The following GALNT13 variants were observed in gnomAD, a reference collection of about 807,000 sequenced individuals.
GALNT13 encodes the protein UDP-GalNAc:polypeptide N-acetylgalactosaminyltransferase 13.
A neutral mutation model predicts 64.2 loss-of-function variants in GALNT13; 28 were observed. That is an observed-to-expected ratio of 0.44 (90% confidence interval 0.32 to 0.60). GALNT13 has a LOEUF of 0.60. GALNT13 is among the 20% of genes least tolerant of loss of function. The pLI, the probability that GALNT13 is intolerant of heterozygous loss-of-function variation, is 0.05. For missense variants in GALNT13, 577 were observed against 669.8 expected (o/e 0.86, Z 1.53); for synonymous variants, 214 against 224.6 (o/e 0.95, Z 0.42).
intron 7 of GALNT13, among the ~76,000 whole-genome samples, chr2:154,254,274 G>C (rs934665738): frequency 6.6e-6 from 1 of 152,144 alleles, no homozygotes; most frequent in African/African-American, 2.4e-5. Flanking sequence ...GGAGCTCGTT[G>C]GGTAGCCCCA....
the GALNT13 span, among the ~76,000 whole-genome samples, chr2:153,737,470 A>AT: frequency 5.3e-5 from 8 of 151,604 alleles, no homozygotes; most frequent in African/African-American, 1.5e-4. Context: ...AATAAAGCAC[A>AT]TTTTTTATTT....
chr2:153,715,209 C>T, the GALNT13 span, among the ~76,000 whole-genome samples: 4 of 152,332 alleles, frequency 2.6e-5, no homozygotes, highest in African/African-American at 9.6e-5. Context: ...ATTATTTATA[C>T]TGACCTATTA....
At chr2:153,997,475 T>C (rs995692369) in intron 3 of GALNT13, among the ~76,000 whole-genome samples, 1 of 152,106 alleles carries the variant, frequency 6.6e-6, no homozygotes, top group African/African-American at 2.4e-5. Flanking sequence ...TTTTACATAG[T>C]TTGCTATTGC....
At chr2:153,773,367 T>C in the GALNT13 span, among the ~76,000 whole-genome samples, 1 of 152,324 alleles carries the variant, frequency 6.6e-6, no homozygotes, top group East Asian at 1.9e-4. Flanking sequence ...GCAAGTTGTC[T>C]ACCTCTCTGG....
Position 154,329,069 on chromosome 2 carries a change from G to C in GALNT13, c.1156+27480G>C, listed in dbSNP as rs141569201. On this transcript the variant is annotated intron_variant, in intron 9 of 12. Coordinates refer to ENST00000392825, the MANE Select transcript of GALNT13 (RefSeq NM_052917.4). ...ACTACTTTGTTGGCTTATAGATGTTGAAAGTGTTTTTACCCAGTTTGTGGT... is the reference window on the plus strand; with the variant it reads ...ACTACTTTGTTGGCTTATAGATGTTCAAAGTGTTTTTACCCAGTTTGTGGT... Among the ~76,000 whole-genome samples, 569 of 152,106 alleles carry C rather than the reference G, an allele frequency of 3.7e-3. 5 individuals carry two copies. The highest frequency in any genetic ancestry group is 0.013 in the African/African-American group (541 of 41,534).
the GALNT13 span, among the ~76,000 whole-genome samples, chr2:153,603,279 C>T: frequency 6.6e-6 from 1 of 151,774 alleles, no homozygotes; most frequent in Non-Finnish European, 1.5e-5. Flanking sequence ...CATTTGGGAA[C>T]ATCATGTAAC....
chr2:153,799,703 A>G, the GALNT13 span, among the ~76,000 whole-genome samples: 1 of 152,162 alleles, frequency 6.6e-6, no homozygotes, highest in African/African-American at 2.4e-5. Context: ...ATATGATTCT[A>G]TGACTTAGTT....
the GALNT13 span, among the ~76,000 whole-genome samples, chr2:153,795,524 C>CTT: frequency 3.5e-5 from 5 of 144,900 alleles, no homozygotes; most frequent in Admixed American, 2.1e-4. Flanking sequence ...CAGCTAGGTA[C>CTT]TTTTTTTTTT....
chr2:153,676,214 C>T, the GALNT13 span, among the ~76,000 whole-genome samples: 2 of 151,770 alleles, frequency 1.3e-5, no homozygotes, highest in Admixed American at 6.6e-5. Flanking sequence ...TACAAAAAAC[C>T]CTCAGAGATT....
At chr2:153,757,794 T>C in the GALNT13 span, among the ~76,000 whole-genome samples, 4 of 152,214 alleles carry the variant, frequency 2.6e-5, no homozygotes, top group African/African-American at 7.2e-5. Context: ...TTAAGAAATA[T>C]CTGCTCTGCT....
intron 4 of GALNT13, among the ~76,000 whole-genome samples, chr2:154,163,847 T>C (rs1684874475): frequency 6.6e-6 from 1 of 152,206 alleles, no homozygotes; most frequent in Non-Finnish European, 1.5e-5. Context: ...TTTCTAAAAA[T>C]AGCTTCTCTG....
At chr2:153,667,075 G>C in the GALNT13 span, among the ~76,000 whole-genome samples, 21,322 of 151,450 alleles carry the variant, frequency 0.14, 1,984 homozygotes, top group East Asian at 0.48. Context: ...ACTTCAGTCA[G>C]AAAAAAATAA....
At chr2:154,124,347 G>A (rs959536808) in intron 3 of GALNT13, among the ~76,000 whole-genome samples, 2 of 151,890 alleles carry the variant, frequency 1.3e-5, no homozygotes, top group South Asian at 2.1e-4. Context: ...AATTTGAATC[G>A]AGTATATTTC....
At chr2:153,722,131 C>T in the GALNT13 span, among the ~76,000 whole-genome samples, 1 of 147,066 alleles carries the variant, frequency 6.8e-6, no homozygotes, top group Non-Finnish European at 1.5e-5. Flanking sequence ...TGCAATCAAA[C>T]TAGAACTCAG....
chr2:153,962,353 TGTGG>T, intron 3 of GALNT13, among the ~76,000 whole-genome samples: 1 of 152,128 alleles, frequency 6.6e-6, no homozygotes, highest in Non-Finnish European at 1.5e-5. Flanking sequence ...ATGTGGAGTA[TGTGG>T]AATGAATCAG....
chr2:154,342,825 CGTGTGT>C (rs59607214), intron 9 of GALNT13, among the ~76,000 whole-genome samples: 1,681 of 146,774 alleles, frequency 0.011, 33 homozygotes, highest in African/African-American at 0.039. Context: ...TAAGAGTGTG[CGTGTGT>C]GTGTGTGTGT....
At chr2:153,524,416 C>T in the GALNT13 span, among the ~76,000 whole-genome samples, 1 of 151,178 alleles carries the variant, frequency 6.6e-6, no homozygotes, top group African/African-American at 2.4e-5. Context: ...ACTATCTACA[C>T]ACAAAGAACA....
the GALNT13 span, among the ~76,000 whole-genome samples, chr2:153,383,831 A>G: frequency 3.9e-5 from 6 of 152,066 alleles, no homozygotes; most frequent in Non-Finnish European, 8.8e-5. Context: ...CAGAAAAATC[A>G]AACTGTGACT....
chr2:154,029,905 A>C (rs1574371990), intron 3 of GALNT13, among the ~76,000 whole-genome samples: 1 of 152,310 alleles, frequency 6.6e-6, no homozygotes, highest in East Asian at 1.9e-4. Flanking sequence ...ACATAGCAAC[A>C]AAAGTGAAGA....
Sources: gnomAD v4.1 joint callset for allele counts (sites outside exome capture counted in the v4.1 genomes callset) on GRCh38, gnomAD v4.1.1 for gene constraint, MANE v1.5 for transcripts, NCBI Gene and HGNC (gene_info 2026-07-23, HGNC 2026-07-21) for gene names.